Variants in CFAP300 observed in about 807,000 individuals in gnomAD.
CFAP300 encodes cilia and flagella associated protein 300.
A neutral mutation model predicts 33.0 loss-of-function variants in CFAP300; 32 were observed. The observed-to-expected ratio is 0.97, with a 90% CI of 0.73 to 1.30. CFAP300 has a LOEUF of 1.30. Among genes scored for constraint, CFAP300 ranks in the 50% most tolerant of loss-of-function variants. The probability of loss-of-function intolerance (pLI) is 0.00; values close to 1 mark genes in which losing one functional copy is unlikely to be tolerated. For synonymous variants in CFAP300, 102 were observed against 106.8 expected, an observed-to-expected ratio of 0.95 and a Z score of 0.28; for missense variants, 356 against 318.1, an observed-to-expected ratio of 1.12 and a Z score of -0.90.
At chr11:102,075,754 C>A in intron 4 of CFAP300, 119 bp from the exon 5 acceptor site, 2 of 724,422 alleles carry the variant, frequency 2.8e-6, no homozygotes, top group Non-Finnish European at 4.4e-6. Flanking sequence ...CTTCAGTTGA[C>A]TCAAGATTGG....
chr11:102,055,510 A>G (rs1942040079), intron 2 of CFAP300, among the ~76,000 whole-genome samples: 1 of 150,686 alleles, frequency 6.6e-6, no homozygotes. Flanking sequence ...GGTGCACAGC[A>G]CTGTGCCAAG....
chr11:102,047,660 C>G, intron 1 of CFAP300, 80 bp downstream of exon 1: 1 of 1,470,840 alleles, frequency 6.8e-7, no homozygotes, highest in Non-Finnish European at 9.2e-7. Flanking sequence ...TCGAGGGGCC[C>G]GCGCGGGTCG....
intron 4 of CFAP300, among the ~76,000 whole-genome samples, chr11:102,071,905 T>A (rs1045932187): frequency 1.6e-4 from 24 of 152,168 alleles, no homozygotes; most frequent in African/African-American, 5.5e-4. Flanking sequence ...CTCTTGCTGT[T>A]TTTAGAATTC....
chr11:102,055,965 G>A lies in CFAP300; in HGVS notation c.193-2915G>A, dbSNP rs552972727. 3.3e-5 allele frequency among the ~76,000 whole-genome samples: 5 copies of A among 152,082 alleles called. No homozygotes were observed. The South Asian group carries it at 6.2e-4, about 19-fold the overall frequency. Reference sequence around the variant, plus strand: ...ATTACAGGCATGAGCCACCGCGCCCGGCCCTAAACTACCCTTTTTTAACTG... The same window carrying A: ...ATTACAGGCATGAGCCACCGCGCCCAGCCCTAAACTACCCTTTTTTAACTG... On this transcript the variant is annotated intron_variant, in intron 2 of 6. Transcript: ENST00000434758.
chr11:102,075,357 G>A (rs1454847292), intron 4 of CFAP300, among the ~76,000 whole-genome samples: 1 of 152,156 alleles, frequency 6.6e-6, no homozygotes, highest in Non-Finnish European at 1.5e-5. Context: ...CTAGATGAGA[G>A]CAGGAAAGCG....
chr11:102,076,098 T>G, intron 5 of CFAP300, 53 bp downstream of exon 5: 2 of 1,532,518 alleles, frequency 1.3e-6, no homozygotes, highest in Non-Finnish European at 1.8e-6. Flanking sequence ...AATAAATTAT[T>G]TGCTTAACCT....
Position 102,058,898 on chromosome 11 carries a change from A to G in CFAP300, c.211A>G (p.Asn71Asp). Residue 71 changes from asparagine (N) to aspartate (D), a missense_variant, in exon 3 of 7, where the codon AAT (asparagine) becomes GAT (aspartate). Coordinates refer to ENST00000434758, the MANE Select transcript of CFAP300 (RefSeq NM_032930.3). ...DFVMAFFKDP[N>D]VIPNLKLLSD... ...ATTTTAGGCTTTTTTCAAAGACCCA[A>G]ATGTTATTCCCAATTTGAAGTTACT... 1.3e-6 allele frequency: 2 copies of G among 1,585,884 alleles called. No individual in the cohort carries two copies. Among genetic ancestry groups the G allele is most frequent in the Non-Finnish European group, 1.7e-6 (2 of 1,167,490 alleles).
At chr11:102,076,973 A>G (rs183995876) in intron 5 of CFAP300, among the ~76,000 whole-genome samples, 17 of 152,342 alleles carry the variant, frequency 1.1e-4, no homozygotes, top group African/African-American at 4.1e-4. Context: ...GAAAAAGCAT[A>G]CACATACCTA....
intron 3 of CFAP300, among the ~76,000 whole-genome samples, chr11:102,065,995 C>T (rs1292612623): frequency 1.4e-5 from 2 of 143,672 alleles, no homozygotes; most frequent in Non-Finnish European, 3.0e-5. Flanking sequence ...TTTTGAGACG[C>T]AGCCTAGGCT....
At chr11:102,061,636 C>G (rs1370475136) in intron 3 of CFAP300, among the ~76,000 whole-genome samples, 1 of 152,172 alleles carries the variant, frequency 6.6e-6, no homozygotes, top group Non-Finnish European at 1.5e-5. Flanking sequence ...TATTATATAT[C>G]ACTATTTTAC....
intron 1 of CFAP300, 24 bp downstream of exon 1, chr11:102,047,604 A>G: frequency 6.5e-7 from 1 of 1,530,054 alleles, no homozygotes; most frequent in South Asian, 1.2e-5. Flanking sequence ...GCACAGGGAG[A>G]GAAGAGGCCC....
chr11:102,068,924 T>C (rs1942269059), intron 4 of CFAP300, among the ~76,000 whole-genome samples: 2 of 152,266 alleles, frequency 1.3e-5, no homozygotes, highest in African/African-American at 4.8e-5. Context: ...TTTTGGATAC[T>C]ACTGTCAGCT....
chr11:102,049,240 C>A (rs529380188), intron 2 of CFAP300, among the ~76,000 whole-genome samples: 53 of 152,180 alleles, frequency 3.5e-4, no homozygotes, highest in African/African-American at 4.8e-5. Context: ...TGCCTTCTGG[C>A]GGTTGCCACC....
At chr11:102,068,127 C>T (rs767455860) in intron 4 of CFAP300, among the ~76,000 whole-genome samples, 1 of 152,220 alleles carries the variant, frequency 6.6e-6, no homozygotes, top group Non-Finnish European at 1.5e-5. Flanking sequence ...ACTTACTCTG[C>T]TTAGCACAAT....
chr11:102,051,581 T>C (rs1386873849), intron 2 of CFAP300, among the ~76,000 whole-genome samples: 1 of 152,186 alleles, frequency 6.6e-6, no homozygotes, highest in Admixed American at 6.5e-5. Flanking sequence ...ATAGATAATA[T>C]AGTCAAATAT....
chr11:102,053,058 T>A (rs1941994869), intron 2 of CFAP300, among the ~76,000 whole-genome samples: 1 of 151,522 alleles, frequency 6.6e-6, no homozygotes, highest in Non-Finnish European at 1.5e-5. Context: ...TGAAACCCTG[T>A]CTCTACTAAA....
intron 2 of CFAP300, among the ~76,000 whole-genome samples, chr11:102,055,438 C>T (rs1942038983): frequency 7.0e-6 from 1 of 143,122 alleles, no homozygotes; most frequent in Admixed American, 7.4e-5. Context: ...CTCACTGCAA[C>T]CTCCACTCCC....
At chr11:102,076,512 T>C (rs1219985063) in intron 5 of CFAP300, among the ~76,000 whole-genome samples, 3 of 152,236 alleles carry the variant, frequency 2.0e-5, no homozygotes, top group African/African-American at 7.2e-5. Flanking sequence ...CAGTTTGAAG[T>C]ATTCTAGTAG....
chr11:102,078,464 G>C (rs1366504659), intron 5 of CFAP300, among the ~76,000 whole-genome samples: 1 of 152,138 alleles, frequency 6.6e-6, no homozygotes, highest in Non-Finnish European at 1.5e-5. Flanking sequence ...GAACACCATA[G>C]AGCACTAATC....
Sources: allele counts gnomAD v4.1 joint callset (sites outside exome capture counted in the v4.1 genomes callset), GRCh38; gene constraint gnomAD v4.1.1; transcripts MANE v1.5; gene names NCBI Gene and HGNC (gene_info 2026-07-23, HGNC 2026-07-21).